Variants in FAM43A observed in about 807,000 individuals in gnomAD.
The protein encoded by FAM43A is family with sequence similarity 43 member A.
In FAM43A, 11 loss-of-function variants were observed where a neutral mutation model predicts 15.7. The ratio of observed to expected loss-of-function variants is 0.70; its 90% CI spans 0.44 to 1.16. The LOEUF is 1.16. FAM43A is among the 50% of genes most tolerant of loss of function. FAM43A has a pLI of 0.00. For missense variants in FAM43A, 573 were observed against 620.0 expected (o/e 0.92, Z 0.80); for synonymous variants, 319 against 291.7 (o/e 1.09, Z -0.96).
At position 194,688,379 on chromosome 3, in the gene FAM43A, G is replaced by A. The variant is rs910514948; in HGVS notation, c.*281G>A. ...AGAGAGGCACCCCTCTGGGATGCGG[G>A]TGAGGGAAGGTTGGCTGAAGTTCCT... On this transcript the variant is annotated 3_prime_UTR_variant, in exon 1 of 1. Transcript: ENST00000329759. The A allele has an allele frequency of 4.6e-5, 16 of 347,782 alleles. No homozygotes were observed. The highest frequency in any genetic ancestry group is 3.0e-4 in the African/African-American group (14 of 47,044). The allele number at this position is 347,782 out of a possible 1,614,324, so 21.5% of individuals were successfully genotyped here.
In FAM43A at chr3:194,686,776, C is replaced by A; in HGVS notation, c.-51C>A. Reference sequence around the variant, plus strand: ...GCCGGTGGCTCAGCGGGCCTCGCACCCGGCGCTCCGCCGCCGCCGCCGCCC... The same window carrying A: ...GCCGGTGGCTCAGCGGGCCTCGCACACGGCGCTCCGCCGCCGCCGCCGCCC... On this transcript the variant is annotated 5_prime_UTR_variant, in exon 1 of 1. Coordinates refer to ENST00000329759, the MANE Select transcript of FAM43A (RefSeq NM_153690.5). 1 of 1,371,440 alleles carries A rather than the reference C, an allele frequency of 7.3e-7. No homozygotes were observed. The highest frequency in any genetic ancestry group is 4.0e-5 in the Admixed American group (1 of 25,100). The allele number at this position is 1,371,440 out of a possible 1,614,324, so 85.0% of individuals were successfully genotyped here.
Position 194,688,805 on chromosome 3 carries a change from G to C in FAM43A, c.*707G>C, listed in dbSNP as rs1719492424. The C allele has an allele frequency of 6.0e-6, 1 of 166,958 alleles. No homozygotes were observed. Among genetic ancestry groups the C allele is most frequent in the South Asian group, 2.1e-4 (1 of 4,826 alleles). 10.3% of individuals were successfully genotyped at this position (166,958 alleles called of 1,614,324 possible). A position where few individuals can be genotyped will look rare whatever the true frequency, so the allele number is the denominator to read the frequency against. On this transcript the variant is annotated 3_prime_UTR_variant, in exon 1 of 1. Transcript: ENST00000329759. ...TCAAAAGATCTCACTCCATGATACT[G>C]TGTAAAATATTTTTGCACTGTTGTG...
At position 194,687,691 on chromosome 3, in the gene FAM43A, G is replaced by A. The variant is rs948145055; in HGVS notation, c.865G>A (p.Gly289Arg). 1.3e-6 allele frequency: 2 copies of A among 1,564,160 alleles called. No homozygotes were observed. Among genetic ancestry groups the A allele is most frequent in the Non-Finnish European group, 1.7e-6 (2 of 1,153,654 alleles). The change falls in exon 1 of 1, where the codon GGA becomes AGA. Residue 289 changes from glycine (G) to arginine (R), a missense_variant. Physicochemically the swap from Gly to Arg is moderately radical, Grantham distance 125 (BLOSUM62 -2). Transcript: ENST00000329759. ...GGAGGAGGAGAACCGTGCGGCAGAG[G>A]GAGATCCAGCAGAGGAGGAGGCCGA... is the stretch of plus-strand genomic sequence containing the variant. ...PEEEENRAAE[G>R]DPAEEEAEAQ...
rs1448998628 is a variant in FAM43A at position 194,686,151 on chromosome 3, G to A, written c.-676G>A. Among the ~76,000 whole-genome samples the A allele has an allele frequency of 2.6e-5, 4 of 152,192 alleles. No homozygotes were observed. The highest frequency in any genetic ancestry group is 2.6e-4 in the Admixed American group (4 of 15,290). Reference sequence around the variant, plus strand: ...GAGCGAAGATGCAGTGAGTCCCCGCGGGACTGCTGCGCGGGGCCCGCCGCG... The same window carrying A: ...GAGCGAAGATGCAGTGAGTCCCCGCAGGACTGCTGCGCGGGGCCCGCCGCG... On this transcript the variant is annotated 5_prime_UTR_variant, in exon 1 of 1. Transcript: ENST00000329759.
Position 194,687,416 on chromosome 3 carries a change from C to A in FAM43A, c.590C>A (p.Ala197Glu), listed in dbSNP as rs1293368252. ...LLYQTSANAL[A>E]EFKRLKRRDD... ...TACCAGACGTCGGCCAACGCGCTGGCGGAATTTAAACGCCTCAAGCGGCGG... is the reference window on the plus strand; with the variant it reads ...TACCAGACGTCGGCCAACGCGCTGGAGGAATTTAAACGCCTCAAGCGGCGG... Residue 197 changes from alanine (A) to glutamate (E), a missense_variant, in exon 1 of 1, where the codon GCG becomes GAG. Coordinates refer to ENST00000329759, the MANE Select transcript of FAM43A (RefSeq NM_153690.5). The A allele has an allele frequency of 1.6e-5, 24 of 1,534,552 alleles. No individual in the cohort carries two copies. The highest frequency in any genetic ancestry group is 2.0e-5 in the Non-Finnish European group (23 of 1,138,682).
chr3:194,687,892 C>T lies in FAM43A; in HGVS notation c.1066C>T (p.Leu356Phe), dbSNP rs1719459318. 1.4e-6 allele frequency: 2 copies of T among 1,471,478 alleles called. No individual in the cohort carries two copies. Among genetic ancestry groups the T allele is most frequent in the Admixed American group, 2.5e-5 (1 of 39,680 alleles). The allele number at this position is 1,471,478 out of a possible 1,614,324, so 91.2% of individuals were successfully genotyped here. ...ASDMKAELSQ[L>F]ISDLGELSFG... ...CGACATGAAGGCTGAGCTGTCGCAA[C>T]TTATTAGCGACCTGGGCGAGCTCAG... The change falls in exon 1 of 1, where the codon CTT becomes TTT. Residue 356 changes from leucine to phenylalanine, a missense_variant. By Grantham distance (22) the Leu-to-Phe change is conservative (BLOSUM62 0). Transcript: ENST00000329759.
chr3:194,686,815 C>A lies in FAM43A; in HGVS notation c.-12C>A. The A allele has an allele frequency of 6.6e-7, 1 of 1,513,152 alleles. No homozygotes were observed. Among genetic ancestry groups the A allele is most frequent in the South Asian group, 1.3e-5 (1 of 79,070 alleles). 93.7% of individuals were successfully genotyped at this position (1,513,152 alleles called of 1,614,324 possible). On this transcript the variant is annotated 5_prime_UTR_variant, in exon 1 of 1. Transcript: ENST00000329759. ...CCGCCGCCGCCCAGCTGCGCCGGGG[C>A]GCCCTCCGGAGATGCTGCCGTGGAA...
Position 194,686,780 on chromosome 3 carries a change from C to G in FAM43A, c.-47C>G. 1 of 1,377,224 alleles carries G rather than the reference C, an allele frequency of 7.3e-7. No individual in the cohort carries two copies. The highest frequency in any genetic ancestry group is 9.3e-7 in the Non-Finnish European group (1 of 1,077,334). 85.3% of individuals were successfully genotyped at this position (1,377,224 alleles called of 1,614,324 possible). On this transcript the variant is annotated 5_prime_UTR_variant, in exon 1 of 1. Coordinates refer to ENST00000329759, the MANE Select transcript of FAM43A (RefSeq NM_153690.5). ...GTGGCTCAGCGGGCCTCGCACCCGG[C>G]GCTCCGCCGCCGCCGCCGCCCAGCT...
rs754321200 is a variant in FAM43A at position 194,686,786 on chromosome 3, G to T, written c.-41G>T. 3.2e-5 allele frequency: 42 copies of T among 1,308,770 alleles called. No individual in the cohort carries two copies. Among genetic ancestry groups the T allele is most frequent in the South Asian group, 4.2e-5 (2 of 48,058 alleles). The allele number at this position is 1,308,770 out of a possible 1,614,324, so 81.1% of individuals were successfully genotyped here. A position where few individuals can be genotyped will look rare whatever the true frequency, so the allele number is the denominator to read the frequency against. ...CAGCGGGCCTCGCACCCGGCGCTCC[G>T]CCGCCGCCGCCGCCCAGCTGCGCCG... On this transcript the variant is annotated 5_prime_UTR_variant, in exon 1 of 1. Transcript: ENST00000329759.
rs568032873 is a variant in FAM43A, at chr3:194,686,101, G to A, written c.-726G>A. Among the ~76,000 whole-genome samples, 26 of 152,360 alleles carry A rather than the reference G, an allele frequency of 1.7e-4. No homozygotes were observed. Among genetic ancestry groups the A allele is most frequent in the African/African-American group, 6.0e-4 (25 of 41,594 alleles). On this transcript the variant is annotated 5_prime_UTR_variant, in exon 1 of 1. Transcript: ENST00000329759. Reference sequence around the variant, plus strand: ...GGCCAGCCCGGACACTGAGCGGGCCGAGCGCGAGTCCCCGGCGTCCGGCGG... The same window carrying A: ...GGCCAGCCCGGACACTGAGCGGGCCAAGCGCGAGTCCCCGGCGTCCGGCGG...
At position 194,686,989 on chromosome 3, in the gene FAM43A, C is replaced by G; in HGVS notation, c.163C>G (p.Arg55Gly). The part of the protein sequence containing the change: ...GALSRVGSMF[R>G]SKRKKLHITS... ...GCTTAGCCGGGTGGGCAGCATGTTC[C>G]GCTCCAAGCGCAAGAAGCTGCACAT... Residue 55 changes from arginine to glycine, a missense_variant, in exon 1 of 1, where the codon CGC becomes GGC. Coordinates refer to ENST00000329759, the MANE Select transcript of FAM43A (RefSeq NM_153690.5). 1.9e-6 allele frequency: 3 copies of G among 1,610,582 alleles called. No individual in the cohort carries two copies. Among genetic ancestry groups the G allele is most frequent in the Non-Finnish European group, 2.5e-6 (3 of 1,177,692 alleles).
Position 194,687,742 on chromosome 3 carries a change from A to C in FAM43A, c.916A>C (p.Met306Leu). 1 of 1,552,126 alleles carries C rather than the reference A, an allele frequency of 6.4e-7. No individual in the cohort carries two copies. The highest frequency in any genetic ancestry group is 8.7e-7 in the Non-Finnish European group (1 of 1,146,540). ...GGCGCAGCGTGCGCTAGTGGTCGCC[A>C]TGCACTTTGAGTGCGGGGACTTGTT... Reference protein sequence around the residue: ...AEAQRALVVAMHFECGDLLDT... With the variant: ...AEAQRALVVALHFECGDLLDT... Residue 306 changes from methionine to leucine, a missense_variant, in exon 1 of 1, where the codon ATG becomes CTG. Physicochemically the swap from Met to Leu is conservative, Grantham distance 15. Coordinates refer to ENST00000329759, the MANE Select transcript of FAM43A (RefSeq NM_153690.5).
Position 194,687,833 on chromosome 3 carries a change from C to T in FAM43A, c.1007C>T (p.Ala336Val), listed in dbSNP as rs1719457469. The T allele has an allele frequency of 3.5e-6, 5 of 1,446,704 alleles. No homozygotes were observed. Among genetic ancestry groups the T allele is most frequent in the Admixed American group, 5.8e-5 (2 of 34,732 alleles). The allele number at this position is 1,446,704 out of a possible 1,614,324, so 89.6% of individuals were successfully genotyped here. The change falls in exon 1 of 1, where the codon GCC becomes GTC. Residue 336 changes from alanine (A) to valine (V), a missense_variant. By Grantham distance (64) the Ala-to-Val change is moderately conservative. Coordinates refer to ENST00000329759, the MANE Select transcript of FAM43A (RefSeq NM_153690.5). ...GGCGGGGGCTCCCTGGGCCCGGGGG[C>T]CGGGCCGCCGCCTCTGCTGCTGGGC... ...GGGGGSLGPG[A>V]GPPPLLLGSA...
chr3:194,686,746 C>T lies in FAM43A; in HGVS notation c.-81C>T, dbSNP rs906998104. 4.7e-4 allele frequency: 610 copies of T among 1,294,100 alleles called. 1 individual carries two copies. Among genetic ancestry groups the T allele is most frequent in the Non-Finnish European group, 5.6e-4 (568 of 1,019,894 alleles). The allele number at this position is 1,294,100 out of a possible 1,614,324, so 80.2% of individuals were successfully genotyped here. A position where few individuals can be genotyped will look rare whatever the true frequency, so the allele number is the denominator to read the frequency against. On this transcript the variant is annotated 5_prime_UTR_variant, in exon 1 of 1. Transcript: ENST00000329759. Reference sequence around the variant, plus strand: ...TCGATCTTGCCCGGGCCGAGCCTGGCAGGGGCCGGTGGCTCAGCGGGCCTC... The same window carrying T: ...TCGATCTTGCCCGGGCCGAGCCTGGTAGGGGCCGGTGGCTCAGCGGGCCTC...
chr3:194,687,040 G>C lies in FAM43A; in HGVS notation c.214G>C (p.Val72Leu). 6.2e-7 allele frequency: 1 copy of C among 1,612,940 alleles called. No homozygotes were observed. Among genetic ancestry groups the C allele is most frequent in the Non-Finnish European group, 8.5e-7 (1 of 1,179,288 alleles). The change falls in exon 1 of 1, where the codon GTG (valine) becomes CTG (leucine). Residue 72 changes from valine (V) to leucine (L), a missense_variant. Transcript: ENST00000329759. ...HITSEDPTYT[V>L]LYLGNATTIQ... ...CACTAGCGAGGACCCAACTTACACC[G>C]TGCTCTACCTGGGCAATGCCACCAC...
chr3:194,686,937 G>C lies in FAM43A; in HGVS notation c.111G>C (p.Ser37=), dbSNP rs777538048. Residue 37 remains serine (S), a synonymous_variant, in exon 1 of 1, where the codon TCG becomes TCC. Transcript: ENST00000329759. Reference sequence around the variant, plus strand: ...GCCTGCACTACTCGGCGCTCAGCTCGCTGGCGCGGGCGTGCCCCGAAGGCG... The same window carrying C: ...GCCTGCACTACTCGGCGCTCAGCTCCCTGGCGCGGGCGTGCCCCGAAGGCG... ...AVSLHYSALS[S]LARACPEGAL... is the part of the protein sequence containing the mutation. 29 of 1,609,742 alleles carry C rather than the reference G, an allele frequency of 1.8e-5. No homozygotes were observed. In the South Asian group the frequency reaches 3.2e-4, roughly 18 times the overall value.
rs1719457100 is a variant in FAM43A at position 194,687,821 on chromosome 3, T to A, written c.995T>A (p.Leu332Gln). 1.4e-6 allele frequency: 2 copies of A among 1,447,722 alleles called. No individual in the cohort carries two copies. Among genetic ancestry groups the A allele is most frequent in the Non-Finnish European group, 1.8e-6 (2 of 1,098,138 alleles). 89.7% of individuals were successfully genotyped at this position (1,447,722 alleles called of 1,614,324 possible). A position where few individuals can be genotyped will look rare whatever the true frequency, so the allele number is the denominator to read the frequency against. ...GEALGGGGGS[L>Q]GPGAGPPPLL... is the part of the protein sequence containing the mutation. Reference sequence around the variant, plus strand: ...GCGCTAGGAGGCGGCGGGGGCTCCCTGGGCCCGGGGGCCGGGCCGCCGCCT... The same window carrying A: ...GCGCTAGGAGGCGGCGGGGGCTCCCAGGGCCCGGGGGCCGGGCCGCCGCCT... Residue 332 changes from leucine to glutamine, a missense_variant, in exon 1 of 1, where the codon CTG becomes CAG. Coordinates refer to ENST00000329759, the MANE Select transcript of FAM43A (RefSeq NM_153690.5).
At position 194,687,011 on chromosome 3, in the gene FAM43A, A is replaced by C. The variant is rs755560073; in HGVS notation, c.185A>C (p.His62Pro). Reference protein sequence around the residue: ...SMFRSKRKKLHITSEDPTYTV... With the variant: ...SMFRSKRKKLPITSEDPTYTV... Reference sequence around the variant, plus strand: ...TTCCGCTCCAAGCGCAAGAAGCTGCACATCACTAGCGAGGACCCAACTTAC... The same window carrying C: ...TTCCGCTCCAAGCGCAAGAAGCTGCCCATCACTAGCGAGGACCCAACTTAC... The change falls in exon 1 of 1, where the codon CAC becomes CCC. Residue 62 changes from histidine to proline, a missense_variant. Transcript: ENST00000329759. 1 of 1,609,434 alleles carries C rather than the reference A, an allele frequency of 6.2e-7. No homozygotes were observed. Among genetic ancestry groups the C allele is most frequent in the Non-Finnish European group, 8.5e-7 (1 of 1,176,610 alleles).
rs1007812188 is a variant in FAM43A at position 194,688,567 on chromosome 3, T to C, written c.*469T>C. On this transcript the variant is annotated 3_prime_UTR_variant, in exon 1 of 1. Transcript: ENST00000329759. ...AATTTGCTCTCAAGGTGTTTGAGGC[T>C]TTAATGCAACCCTTTAGCCCTTGGT... is the stretch of plus-strand genomic sequence containing the variant. 6.0e-6 allele frequency: 1 copy of C among 167,736 alleles called. No homozygotes were observed. Among genetic ancestry groups the C allele is most frequent in the African/African-American group, 2.4e-5 (1 of 41,406 alleles). 10.4% of individuals were successfully genotyped at this position (167,736 alleles called of 1,614,324 possible).
Sources: allele counts gnomAD v4.1 joint callset (sites outside exome capture counted in the v4.1 genomes callset), GRCh38; gene constraint gnomAD v4.1.1; transcripts MANE v1.5; gene names NCBI Gene and HGNC (gene_info 2026-07-23, HGNC 2026-07-21).